FBXL7: variants seen among roughly 807,000 people sequenced by gnomAD.
FBXL7 encodes F-box/LRR-repeat protein 7.
In FBXL7, 12 loss-of-function variants were observed where a neutral mutation model predicts 38.3. The ratio of observed to expected loss-of-function variants is 0.31; its 90% confidence interval spans 0.20 to 0.51. The LOEUF (loss-of-function observed/expected upper bound fraction) is 0.51. FBXL7 is among the 20% of genes least tolerant of loss of function. FBXL7 has a pLI of 0.98. For missense variants in FBXL7, 567 were observed against 676.4 expected (o/e 0.84, Z 1.79); for synonymous variants, 297 against 300.9 (o/e 0.99, Z 0.13).
In FBXL7 at chr5:15,500,483, G is replaced by A; in HGVS notation, c.-194G>A. The A allele has an allele frequency of 1.4e-6, 1 of 700,788 alleles. No individual in the cohort carries two copies. The highest frequency in any genetic ancestry group is 2.5e-6 in the Non-Finnish European group (1 of 399,406). The allele number at this position is 700,788 out of a possible 1,614,324, so 43.4% of individuals were successfully genotyped here. On this transcript the variant is annotated 5_prime_UTR_variant, in exon 1 of 4. Coordinates refer to ENST00000504595, the MANE Select transcript of FBXL7 (RefSeq NM_012304.5). ...GCCCGGCCCCGCCTGGAGCCACCGG[G>A]GGTGCCAGGAGGGGACGCAGCACCC...
At chr5:15,851,080 A>G (rs2126794174) in intron 2 of FBXL7, among the ~76,000 whole-genome samples, 1 of 152,290 alleles carries the variant, frequency 6.6e-6, no homozygotes. Flanking sequence ...CTTGATAGAC[A>G]GCATTGCTTG....
chr5:15,864,669 C>T (rs1739628746), intron 2 of FBXL7, among the ~76,000 whole-genome samples: 1 of 152,036 alleles, frequency 6.6e-6, no homozygotes, highest in Admixed American at 6.6e-5. Flanking sequence ...TGTCACAGAA[C>T]AAGTAGAATA....
intron 1 of FBXL7, among the ~76,000 whole-genome samples, chr5:15,610,669 GTATCCAACATA>G (rs1740202719): frequency 6.6e-6 from 1 of 152,104 alleles, no homozygotes; most frequent in African/African-American, 2.4e-5. Context: ...GCATATCATG[GTATCCAACATA>G]GGAACCTCAT....
intron 2 of FBXL7, among the ~76,000 whole-genome samples, chr5:15,872,297 A>C (rs1301032785): frequency 2.6e-5 from 4 of 152,114 alleles, no homozygotes; most frequent in African/African-American, 7.2e-5. Flanking sequence ...GAAAGGAAAA[A>C]CTGGTACCAG....
intron 1 of FBXL7, among the ~76,000 whole-genome samples, chr5:15,510,269 A>G (rs974618873): frequency 2.0e-5 from 3 of 152,228 alleles, no homozygotes; most frequent in Admixed American, 6.5e-5. Flanking sequence ...GTGCAGATGT[A>G]GCAGTGGAAA....
intron 2 of FBXL7, among the ~76,000 whole-genome samples, chr5:15,844,956 T>A (rs1254516067): frequency 6.6e-6 from 1 of 152,164 alleles, no homozygotes; most frequent in Non-Finnish European, 1.5e-5. Flanking sequence ...AAGAAACAAC[T>A]TTTCCTTAAG....
At chr5:15,744,983 C>A (rs997573585) in intron 2 of FBXL7, among the ~76,000 whole-genome samples, 1 of 152,086 alleles carries the variant, frequency 6.6e-6, no homozygotes, top group Non-Finnish European at 1.5e-5. Flanking sequence ...TTACCTCCCA[C>A]CAGGTCTCTC....
intron 1 of FBXL7, among the ~76,000 whole-genome samples, chr5:15,581,232 T>C (rs950067723): frequency 6.6e-6 from 1 of 152,206 alleles, no homozygotes; most frequent in Non-Finnish European, 1.5e-5. Flanking sequence ...GGCAGATTTA[T>C]TGGCTATTCT....
At chr5:15,888,420 GA>G (rs1740769330) in intron 2 of FBXL7, among the ~76,000 whole-genome samples, 1 of 151,898 alleles carries the variant, frequency 6.6e-6, no homozygotes, top group African/African-American at 2.4e-5. Context: ...GTAGAAATGG[GA>G]TTTCACCGTG....
At chr5:15,788,539 T>G (rs1209013074) in intron 2 of FBXL7, among the ~76,000 whole-genome samples, 2 of 152,162 alleles carry the variant, frequency 1.3e-5, no homozygotes, top group African/African-American at 4.8e-5. Flanking sequence ...CTATAAGGGC[T>G]TATTAGATTT....
intron 1 of FBXL7, among the ~76,000 whole-genome samples, chr5:15,556,224 G>A (rs532310250): frequency 1.1e-4 from 17 of 152,116 alleles, no homozygotes; most frequent in African/African-American, 3.9e-4. Flanking sequence ...TGGAGGCCCC[G>A]GAAAGCTGGC....
At chr5:15,818,884 A>C (rs1313432874) in intron 2 of FBXL7, among the ~76,000 whole-genome samples, 1 of 152,146 alleles carries the variant, frequency 6.6e-6, no homozygotes, top group Non-Finnish European at 1.5e-5. Flanking sequence ...CGAGATGAAG[A>C]GCAGTTAACC....
At chr5:15,620,743 C>G (rs1263735824) in intron 2 of FBXL7, among the ~76,000 whole-genome samples, 1 of 152,200 alleles carries the variant, frequency 6.6e-6, no homozygotes, top group Non-Finnish European at 1.5e-5. Flanking sequence ...TGTTCCCAGC[C>G]TGGCACGTGG....
At chr5:15,879,025 G>A (rs1194674400) in intron 2 of FBXL7, among the ~76,000 whole-genome samples, 2 of 152,126 alleles carry the variant, frequency 1.3e-5, no homozygotes, top group Non-Finnish European at 2.9e-5. Context: ...CTCTAGGAAT[G>A]GGACCAGACT....
intron 2 of FBXL7, among the ~76,000 whole-genome samples, chr5:15,895,217 A>G (rs941084278): frequency 2.0e-5 from 3 of 152,204 alleles, no homozygotes; most frequent in African/African-American, 7.2e-5. Flanking sequence ...CAAAAAGTTA[A>G]AATGATTACC....
intron 2 of FBXL7, among the ~76,000 whole-genome samples, chr5:15,739,406 C>A (rs368833591): frequency 6.6e-6 from 1 of 152,166 alleles, no homozygotes; most frequent in East Asian, 1.9e-4. Flanking sequence ...ATTCACATAC[C>A]GTAGATTTCA....
intron 2 of FBXL7, among the ~76,000 whole-genome samples, chr5:15,836,173 A>T (rs1009313924): frequency 1.3e-5 from 2 of 152,252 alleles, no homozygotes; most frequent in Non-Finnish European, 2.9e-5. Flanking sequence ...ACCATATTCT[A>T]TCAGGTTCCT....
At chr5:15,600,348 C>T (rs965870094) in intron 1 of FBXL7, among the ~76,000 whole-genome samples, 1 of 152,096 alleles carries the variant, frequency 6.6e-6, no homozygotes, top group African/African-American at 2.4e-5. Flanking sequence ...TTCTCTTTAA[C>T]CCTTGGGGAA....
intron 2 of FBXL7, among the ~76,000 whole-genome samples, chr5:15,853,391 A>T (rs756866301): frequency 1.3e-5 from 2 of 152,110 alleles, no homozygotes; most frequent in Non-Finnish European, 2.9e-5. Context: ...TACTAGTTGA[A>T]TGAAGAGATC....
Sources: allele counts gnomAD v4.1 joint callset (sites outside exome capture counted in the v4.1 genomes callset), GRCh38; gene constraint gnomAD v4.1.1; transcripts MANE v1.5; gene names NCBI Gene and HGNC (gene_info 2026-07-23, HGNC 2026-07-21).